Variants in PLXNA4 observed in about 807,000 individuals in gnomAD.
PLXNA4 encodes the protein plexin A4, also known as plexin-A4.
In PLXNA4, 44 loss-of-function variants were observed where a neutral mutation model predicts 191.8. That is an observed-to-expected ratio of 0.23 (90% CI 0.18 to 0.29). The LOEUF is 0.29. PLXNA4 is among the 10% of genes least tolerant of loss of function. The pLI is 1.00. For synonymous variants in PLXNA4, 1,082 were observed against 1,009.5 expected (o/e 1.07, Z -1.36); for missense variants, 1,800 against 2,488.8 (o/e 0.72, Z 5.89).
intron 3 of PLXNA4, among the ~76,000 whole-genome samples, chr7:132,306,704 T>C (rs564194672): frequency 2.6e-5 from 4 of 152,224 alleles, no homozygotes; most frequent in African/African-American, 9.6e-5. Context: ...TGGGTCTGAG[T>C]TGCCACAGCT....
chr7:132,368,517 T>C (rs969965576), intron 3 of PLXNA4, among the ~76,000 whole-genome samples: 1 of 151,964 alleles, frequency 6.6e-6, no homozygotes, highest in Non-Finnish European at 1.5e-5. Context: ...GAGGAGGAGG[T>C]GGGCTGTGGT....
At chr7:132,185,926 G>A (rs143140961) in intron 15 of PLXNA4, among the ~76,000 whole-genome samples, 65 of 152,264 alleles carry the variant, frequency 4.3e-4, no homozygotes, top group African/African-American at 1.4e-3. Context: ...TTGGAGTTGA[G>A]CCCCATCTGT....
At chr7:132,295,617 T>C (rs1801046908) in intron 4 of PLXNA4, among the ~76,000 whole-genome samples, 1 of 152,146 alleles carries the variant, frequency 6.6e-6, no homozygotes. Context: ...ATGCCCAACC[T>C]GTCAAGCAGG....
At chr7:132,254,609 G>A (rs1413793327) in intron 4 of PLXNA4, among the ~76,000 whole-genome samples, 2 of 152,226 alleles carry the variant, frequency 1.3e-5, no homozygotes, top group Non-Finnish European at 2.9e-5. Context: ...TGGGAGGACA[G>A]TCAGGGGACC....
At chr7:132,326,522 T>C (rs1430549758) in intron 3 of PLXNA4, among the ~76,000 whole-genome samples, 1 of 152,012 alleles carries the variant, frequency 6.6e-6, no homozygotes, top group East Asian at 1.9e-4. Context: ...TTTCCCGTCC[T>C]TCCCCTTGCC....
chr7:132,575,316 G>T (rs1027296884), intron 1 of PLXNA4, among the ~76,000 whole-genome samples: 3 of 152,194 alleles, frequency 2.0e-5, no homozygotes, highest in Non-Finnish European at 2.9e-5. Flanking sequence ...GGACCTTAAA[G>T]CACGGGCGTC....
At chr7:132,198,340 A>G (rs1797317355) in intron 13 of PLXNA4, 145 bp downstream of exon 13, 1 of 1,168,606 alleles carries the variant, frequency 8.6e-7, no homozygotes, top group Middle Eastern at 3.0e-4. Context: ...GTGGGAGTCC[A>G]CCCTCCAACT....
In PLXNA4 at chr7:132,127,943, CTTTT is replaced by C. The variant is rs1184536056; in HGVS notation, c.*2532_*2535del. 3 of 106,174 alleles carry C rather than the reference CTTTT, an allele frequency of 2.8e-5. No homozygotes were observed. Among genetic ancestry groups the C allele is most frequent in the African/African-American group, 7.1e-5 (2 of 28,190 alleles). The allele number at this position is 106,174 out of a possible 1,614,324, so 6.6% of individuals were successfully genotyped here. Reference sequence around the variant, plus strand: ...AAGCTTCAGCAGAACCGTGATAAGTCTTTTTTCTTTTTTTTTTCTGCTTGTTTGA... The same window carrying C: ...AAGCTTCAGCAGAACCGTGATAAGTCTTCTTTTTTTTTTCTGCTTGTTTGA... On this transcript the variant is annotated 3_prime_UTR_variant, in exon 32 of 32. Transcript: ENST00000321063.
chr7:132,266,086 T>G (rs1799846111), intron 4 of PLXNA4, among the ~76,000 whole-genome samples: 1 of 152,282 alleles, frequency 6.6e-6, no homozygotes, highest in South Asian at 2.1e-4. Context: ...TTCACTGGGC[T>G]GGAACCCAAA....
At chr7:132,466,897 T>G (rs1796727814) in intron 3 of PLXNA4, among the ~76,000 whole-genome samples, 2 of 152,166 alleles carry the variant, frequency 1.3e-5, no homozygotes, top group Admixed American at 1.3e-4. Context: ...CTCTTGGGCT[T>G]TCTGGGTGAT....
At chr7:132,350,871 A>G (rs1430396240) in intron 3 of PLXNA4, among the ~76,000 whole-genome samples, 2 of 152,250 alleles carry the variant, frequency 1.3e-5, no homozygotes, top group Non-Finnish European at 2.9e-5. Flanking sequence ...AATAGCCAAA[A>G]AAGGAAACAA....
At chr7:132,398,892 C>T (rs1259650240) in intron 3 of PLXNA4, among the ~76,000 whole-genome samples, 1 of 152,156 alleles carries the variant, frequency 6.6e-6, no homozygotes, top group Non-Finnish European at 1.5e-5. Flanking sequence ...CAAGTGGCAT[C>T]TTATTACCCC....
At chr7:132,647,809 C>T (rs1453835160) in intron 1 of PLXNA4, among the ~76,000 whole-genome samples, 1 of 151,758 alleles carries the variant, frequency 6.6e-6, no homozygotes, top group Admixed American at 6.6e-5. Flanking sequence ...CAGTCACACA[C>T]ATACACATAC....
At chr7:132,336,645 C>G (rs879313110) in intron 3 of PLXNA4, among the ~76,000 whole-genome samples, 18 of 152,204 alleles carry the variant, frequency 1.2e-4, no homozygotes, top group African/African-American at 1.7e-4. Context: ...CACCACCCCC[C>G]ACTCTATACA....
At chr7:132,276,897 C>T (rs921803124) in intron 4 of PLXNA4, among the ~76,000 whole-genome samples, 1 of 152,108 alleles carries the variant, frequency 6.6e-6, no homozygotes, top group Non-Finnish European at 1.5e-5. Flanking sequence ...TGGGTAATAG[C>T]ATTTTCTGAT....
chr7:132,416,759 T>C (rs1794675502), intron 3 of PLXNA4, among the ~76,000 whole-genome samples: 1 of 152,210 alleles, frequency 6.6e-6, no homozygotes, highest in South Asian at 2.1e-4. Context: ...AGTAGGACTG[T>C]CTTCCTATTC....
chr7:132,206,696 C>T (rs549750810), intron 10 of PLXNA4, among the ~76,000 whole-genome samples: 2 of 152,144 alleles, frequency 1.3e-5, no homozygotes, highest in African/African-American at 2.4e-5. Flanking sequence ...TGACCTGCAA[C>T]GTGCCTGGGG....
intron 3 of PLXNA4, among the ~76,000 whole-genome samples, chr7:132,346,106 T>C (rs1345098780): frequency 1.3e-5 from 2 of 152,226 alleles, no homozygotes; most frequent in Non-Finnish European, 2.9e-5. Context: ...CGCAGACAGC[T>C]GTGGGCTAAA....
chr7:132,263,314 C>T (rs939913226), intron 4 of PLXNA4, among the ~76,000 whole-genome samples: 17 of 152,180 alleles, frequency 1.1e-4, no homozygotes, highest in Admixed American at 1.1e-3. Context: ...CCACACTCAC[C>T]ACCACCCTGC....
Sources: allele counts gnomAD v4.1 joint callset (sites outside exome capture counted in the v4.1 genomes callset), GRCh38; gene constraint gnomAD v4.1.1; transcripts MANE v1.5; gene names NCBI Gene and HGNC (gene_info 2026-07-23, HGNC 2026-07-21).